The following KCNQ1 variants were observed in gnomAD, a reference collection of about 807,000 sequenced individuals.
KCNQ1 encodes potassium voltage-gated channel subfamily Q member 1.
KCNQ1 carries 49 observed loss-of-function variants against 72.4 expected under a neutral mutation model. That is an observed-to-expected ratio of 0.68 (90% confidence interval 0.54 to 0.86). The LOEUF (loss-of-function observed/expected upper bound fraction) is 0.86, where lower values mean the gene tolerates loss of function less well. Ranked by LOEUF, KCNQ1 falls within the 40% of genes least tolerant of loss-of-function variation. The probability of loss-of-function intolerance (pLI) is 0.00; values close to 1 mark genes in which losing one functional copy is unlikely to be tolerated. For missense variants in KCNQ1, 790 were observed against 945.1 expected (o/e 0.84, Z 2.15); for synonymous variants, 450 against 412.6 (o/e 1.09, Z -1.10).
rs1362777708 is a variant in KCNQ1, at chr11:2,544,310, A to ATG, written c.477+16294_477+16295dup. 1.4e-4 allele frequency among the ~76,000 whole-genome samples: 14 copies of ATG among 100,272 alleles called. No homozygotes were observed. The highest frequency in any genetic ancestry group is 5.3e-4 in the African/African-American group (12 of 22,528). 65.8% of individuals were successfully genotyped at this position (100,272 alleles called of 152,430 possible). ...TATATATATGTATATATGTGTATAT[A>ATG]TGTATATATCTATGTATATATATGT... On this transcript the variant is annotated intron_variant, in intron 2 of 15. Transcript: ENST00000155840. The surrounding 1 kb of genome is among the most constrained non-coding windows in gnomAD (Gnocchi z 4.4).
At chr11:2,586,019 G>T (rs1414104822) in intron 8 of KCNQ1, among the ~76,000 whole-genome samples, 5 of 152,212 alleles carry the variant, frequency 3.3e-5, no homozygotes, top group African/African-American at 7.2e-5. Flanking sequence ...GTCCCTGTGG[G>T]TCTCTCTTGT....
intron 10 of KCNQ1, among the ~76,000 whole-genome samples, chr11:2,605,871 G>A (rs548917787): frequency 2.6e-5 from 4 of 152,316 alleles, no homozygotes; most frequent in Admixed American, 2.0e-4. Flanking sequence ...GATTCCGGGA[G>A]TGTTGCCATC....
rs937524593 is a variant in KCNQ1 at position 2,627,664 on chromosome 11, G to T, written c.1394-34297G>T. The T allele has an allele frequency of 2.5e-6, 1 of 398,410 alleles. No homozygotes were observed. The highest frequency in any genetic ancestry group is 4.4e-6 in the Non-Finnish European group (1 of 226,050). 24.7% of individuals were successfully genotyped at this position (398,410 alleles called of 1,614,324 possible). On this transcript the variant is annotated intron_variant, in intron 10 of 15. Coordinates refer to ENST00000155840, the MANE Select transcript of KCNQ1 (RefSeq NM_000218.3). The surrounding 1 kb of genome is among the most constrained non-coding windows in gnomAD (Gnocchi z 4.9). Reference sequence around the variant, plus strand: ...TTAAAGGATGAATATTTCATTGTGTGTGTGTATATATGTGTGTGTGTGTGT... The same window carrying T: ...TTAAAGGATGAATATTTCATTGTGTTTGTGTATATATGTGTGTGTGTGTGT...
chr11:2,446,822 A>G lies in KCNQ1; in HGVS notation c.386+1338A>G, dbSNP rs532623205. Among the ~76,000 whole-genome samples the G allele has an allele frequency of 1.1e-3, 172 of 152,252 alleles. No individual in the cohort carries two copies. Among genetic ancestry groups the G allele is most frequent in the African/African-American group, 4.0e-3 (165 of 41,552 alleles). ...ACAGCCGCTGCTGGTCTGTGAGAGG[A>G]GCTGGCTCTGCTCGTGGCTGCAACA... On this transcript the variant is annotated intron_variant, in intron 1 of 15. Coordinates refer to ENST00000155840, the MANE Select transcript of KCNQ1 (RefSeq NM_000218.3). This position sits in a 1 kb window ranked among gnomAD's most constrained non-coding sequence, Gnocchi z 8.8.
At chr11:2,765,996 T>C (rs1846491775) in intron 11 of KCNQ1, among the ~76,000 whole-genome samples, 1 of 152,216 alleles carries the variant, frequency 6.6e-6, no homozygotes, top group Admixed American at 6.5e-5. Flanking sequence ...TGCTCCAAGC[T>C]GGCTATTTTC....
chr11:2,455,842 A>G (rs981166875), intron 1 of KCNQ1, among the ~76,000 whole-genome samples: 1 of 152,206 alleles, frequency 6.6e-6, no homozygotes, highest in Non-Finnish European at 1.5e-5. Context: ...GTATTGGTAC[A>G]TAGACATATA....
At chr11:2,692,317 C>T in intron 11 of KCNQ1, 1 of 399,066 alleles carries the variant, frequency 2.5e-6, no homozygotes, top group Non-Finnish European at 4.4e-6. Flanking sequence ...CCTATTGCCA[C>T]TGTCCTGATA....
chr11:2,489,583 A>G (rs1312754227), intron 1 of KCNQ1, among the ~76,000 whole-genome samples: 1 of 152,236 alleles, frequency 6.6e-6, no homozygotes. Context: ...GGCTAACCCC[A>G]GGCAGCACAG....
intron 2 of KCNQ1, among the ~76,000 whole-genome samples, chr11:2,554,541 C>A (rs1564815336): frequency 6.6e-6 from 1 of 152,166 alleles, no homozygotes; most frequent in East Asian, 1.9e-4. Context: ...TGAGAGGGGG[C>A]CTGGGCTGGG....
At chr11:2,639,783 T>A (rs1849539195) in intron 10 of KCNQ1, 1 of 152,398 alleles carries the variant, frequency 6.6e-6, no homozygotes, top group Non-Finnish European at 1.5e-5. Flanking sequence ...CTGCTGCCTT[T>A]TGTTCGGCTA....
rs1019728476 is a variant in KCNQ1 at position 2,580,607 on chromosome 11, G to GC, written c.922-2822dup. Among the ~76,000 whole-genome samples the GC allele has an allele frequency of 2.6e-5, 4 of 152,176 alleles. No individual in the cohort carries two copies. In the South Asian group the frequency reaches 8.3e-4, roughly 32 times the overall value. ...GGTGGGAGCAGGAGTGCCTGTTAGT[G>GC]CCCCCCAGCCACAGAGAGTGCTGCC... On this transcript the variant is annotated intron_variant, in intron 6 of 15. Coordinates refer to ENST00000155840, the MANE Select transcript of KCNQ1 (RefSeq NM_000218.3).
chr11:2,538,068 C>T lies in KCNQ1; in HGVS notation c.477+10050C>T, dbSNP rs972328771. 6.6e-5 allele frequency among the ~76,000 whole-genome samples: 10 copies of T among 152,088 alleles called. No homozygotes were observed. Among genetic ancestry groups the T allele is most frequent in the South Asian group, 4.1e-4 (2 of 4,826 alleles). On this transcript the variant is annotated intron_variant, in intron 2 of 15. Transcript: ENST00000155840. This position sits in a 1 kb window ranked among gnomAD's most constrained non-coding sequence, Gnocchi z 6.7. Reference sequence around the variant, plus strand: ...GAGAGTAAGTTGGAGGCAGTATGACCGTTTCTCCGTATAAAGCCCGTGTAT... The same window carrying T: ...GAGAGTAAGTTGGAGGCAGTATGACTGTTTCTCCGTATAAAGCCCGTGTAT...
At chr11:2,574,622 G>T (rs916410590) in intron 6 of KCNQ1, among the ~76,000 whole-genome samples, 14 of 152,176 alleles carry the variant, frequency 9.2e-5, no homozygotes, top group African/African-American at 3.1e-4. Context: ...GAAGCCTCCC[G>T]GTGGCTCCCC....
rs36157752 is a variant in KCNQ1, at chr11:2,458,633, C to CTGGATGGATGGATGGATGGA, written c.386+13183_386+13202dup. Among the ~76,000 whole-genome samples, 1 of 149,826 alleles carries CTGGATGGATGGATGGATGGA rather than the reference C, an allele frequency of 6.7e-6. No individual in the cohort carries two copies. Among genetic ancestry groups the CTGGATGGATGGATGGATGGA allele is most frequent in the African/African-American group, 2.4e-5 (1 of 40,922 alleles). On this transcript the variant is annotated intron_variant, in intron 1 of 15. Transcript: ENST00000155840. This position sits in a 1 kb window ranked among gnomAD's most constrained non-coding sequence, Gnocchi z 4.6. Reference sequence around the variant, plus strand: ...GCTCCCATCCACAATGCTTCCTTGCCTGGATGGATGGATGGATGGATGGAT... The same window carrying CTGGATGGATGGATGGATGGA: ...GCTCCCATCCACAATGCTTCCTTGCCTGGATGGATGGATGGATGGATGGATGGATGGATGGATGGATGGAT...
At position 2,617,247 on chromosome 11, in the gene KCNQ1, A is replaced by G; in HGVS notation, c.1393+28393A>G. 2 of 398,284 alleles carry G rather than the reference A, an allele frequency of 5.0e-6. No individual in the cohort carries two copies. The highest frequency in any genetic ancestry group is 8.9e-6 in the Non-Finnish European group (2 of 225,894). The allele number at this position is 398,284 out of a possible 1,614,324, so 24.7% of individuals were successfully genotyped here. A position where few individuals can be genotyped will look rare whatever the true frequency, so the allele number is the denominator to read the frequency against. On this transcript the variant is annotated intron_variant, in intron 10 of 15. Transcript: ENST00000155840. This position sits in a 1 kb window ranked among gnomAD's most constrained non-coding sequence, Gnocchi z 4.6. ...CATTTTCTTCCCCCACACCTTGCCC[A>G]TGGTAACCACTAGTTTATTCTATCT... is the stretch of plus-strand genomic sequence containing the variant.
At position 2,674,443 on chromosome 11, in the gene KCNQ1, G is replaced by A. The variant is rs890416715; in HGVS notation, c.1514+12362G>A. On this transcript the variant is annotated intron_variant, in intron 11 of 15. Transcript: ENST00000155840. This position sits in a 1 kb window ranked among gnomAD's most constrained non-coding sequence, Gnocchi z 5.9. ...CGCACACGACCACAGAGGCTGGGGGGAGGCACGTGGGGAGGAGGGCTGCCT... is the reference window on the plus strand; with the variant it reads ...CGCACACGACCACAGAGGCTGGGGGAAGGCACGTGGGGAGGAGGGCTGCCT... 3.5e-5 allele frequency: 14 copies of A among 398,558 alleles called. No homozygotes were observed. Among genetic ancestry groups the A allele is most frequent in the African/African-American group, 1.0e-4 (5 of 48,638 alleles). 24.7% of individuals were successfully genotyped at this position (398,558 alleles called of 1,614,324 possible). A position where few individuals can be genotyped will look rare whatever the true frequency, so the allele number is the denominator to read the frequency against.
intron 10 of KCNQ1, chr11:2,643,854 C>G (rs1849619036): frequency 1.0e-5 from 4 of 398,526 alleles, no homozygotes; most frequent in Admixed American, 4.4e-5. Flanking sequence ...ACGAATATAA[C>G]TTTGCTAAGT....
rs913434709 is a variant in KCNQ1, at chr11:2,735,725, G to A, written c.1515-33119G>A. On this transcript the variant is annotated intron_variant, in intron 11 of 15. Transcript: ENST00000155840. This position sits in a 1 kb window ranked among gnomAD's most constrained non-coding sequence, Gnocchi z 7.7. ...TGGAGTCCAAGGTCAAGGTGCTGCA[G>A]GGCTGGGTCCTCCTGCAGCCTCTCT... Among the ~76,000 whole-genome samples the A allele has an allele frequency of 7.9e-5, 12 of 152,036 alleles. No homozygotes were observed. The highest frequency in any genetic ancestry group is 2.2e-4 in the African/African-American group (9 of 41,378).
intron 12 of KCNQ1, among the ~76,000 whole-genome samples, chr11:2,770,708 A>G (rs1012978560): frequency 4.6e-5 from 7 of 152,244 alleles, no homozygotes; most frequent in Non-Finnish European, 8.8e-5. Flanking sequence ...TCTGCCTGGC[A>G]TGTTCTAGGG....
Sources: allele counts gnomAD v4.1 joint callset (sites outside exome capture counted in the v4.1 genomes callset), GRCh38; gene constraint gnomAD v4.1.1; non-coding constraint Gnocchi (gnomAD v3.1); transcripts MANE v1.5; gene names NCBI Gene and HGNC (gene_info 2026-07-23, HGNC 2026-07-21).